ZNF782: variants seen among roughly 807,000 people sequenced by gnomAD.
ZNF782 encodes zinc finger protein 782.
A neutral mutation model predicts 13.0 loss-of-function variants in ZNF782; 12 were observed. The ratio of observed to expected loss-of-function variants is 0.92; its 90% CI spans 0.59 to 1.50. The LOEUF (loss-of-function observed/expected upper bound fraction) is 1.50. Ranked by LOEUF, ZNF782 falls within the 40% of genes most tolerant of loss-of-function variation. The pLI is 0.00. For synonymous variants in ZNF782, 284 were observed against 283.0 expected, an observed-to-expected ratio of 1.00 and a Z score of -0.04; for missense variants, 770 against 822.9, an observed-to-expected ratio of 0.94 and a Z score of 0.79.
the ZNF782 span, among the ~76,000 whole-genome samples, chr9:96,911,418 A>G: frequency 7.9e-6 from 1 of 126,862 alleles, no homozygotes; most frequent in East Asian, 2.9e-4. Flanking sequence ...CGGCCTGGGC[A>G]ACAGAGCAAG....
chr9:96,902,221 G>A, the ZNF782 span, among the ~76,000 whole-genome samples: 119 of 151,594 alleles, frequency 7.8e-4, no homozygotes, highest in African/African-American at 2.7e-3. Context: ...ATCACTGGAG[G>A]TCAGGATCCC....
chr9:96,920,927 T>G, the ZNF782 span, among the ~76,000 whole-genome samples: 1 of 127,248 alleles, frequency 7.9e-6, no homozygotes, highest in Non-Finnish European at 1.5e-5. Flanking sequence ...AAACAAAACA[T>G]TTTTATATTA....
chr9:96,842,638 T>C (rs188379891), intron 4 of ZNF782, among the ~76,000 whole-genome samples: 178 of 152,148 alleles, frequency 1.2e-3, no homozygotes, highest in Admixed American at 2.2e-3. Context: ...GAGAAAACCT[T>C]TGGTCCAAAG....
chr9:96,854,558 T>G (rs1851609794), upstream of ZNF782: 1 of 152,208 alleles, frequency 6.6e-6, no homozygotes, highest in Non-Finnish European at 1.5e-5. Context: ...CATCCCAGAG[T>G]GCTGCGCGGC....
At chr9:96,839,687 C>T (rs1035739739) in intron 4 of ZNF782, among the ~76,000 whole-genome samples, 6 of 151,974 alleles carry the variant, frequency 3.9e-5, no homozygotes, top group African/African-American at 7.3e-5. Flanking sequence ...AATTTTATTA[C>T]TTTCTGATTT....
the ZNF782 span, chr9:96,889,708 TAA>T: frequency 6.6e-6 from 1 of 152,194 alleles, no homozygotes; most frequent in East Asian, 1.9e-4. Flanking sequence ...GCCCCAAAAC[TAA>T]GATTTTTAAA....
intron 4 of ZNF782, among the ~76,000 whole-genome samples, chr9:96,843,654 C>A (rs1588164294): frequency 6.6e-6 from 1 of 152,158 alleles, no homozygotes; most frequent in South Asian, 2.1e-4. Context: ...GCTATTCACA[C>A]ACATTGTACC....
At chr9:96,837,075 G>A (rs529687580) in intron 4 of ZNF782, among the ~76,000 whole-genome samples, 1 of 152,298 alleles carries the variant, frequency 6.6e-6, no homozygotes, top group East Asian at 1.9e-4. Flanking sequence ...AAACTGGACT[G>A]AGACACTCCC....
At chr9:96,869,173 T>C (rs1659199868) in intron 1 of ZNF782, among the ~76,000 whole-genome samples, 1 of 152,124 alleles carries the variant, frequency 6.6e-6, no homozygotes, top group Non-Finnish European at 1.5e-5. Context: ...AAAATTAACA[T>C]ACTGAAGAGC....
chr9:96,825,682 T>G (rs1455827756), intron 5 of ZNF782, among the ~76,000 whole-genome samples: 1 of 152,080 alleles, frequency 6.6e-6, no homozygotes, highest in Non-Finnish European at 1.5e-5. Flanking sequence ...ATATCCAGAA[T>G]CTACAAAGAA....
chr9:96,831,602 A>G (rs1343317209), intron 4 of ZNF782, among the ~76,000 whole-genome samples: 3 of 151,836 alleles, frequency 2.0e-5, no homozygotes. Context: ...AGTCCCAGCT[A>G]CTCAGGAGGC....
At chr9:96,884,712 A>C in the ZNF782 span, among the ~76,000 whole-genome samples, 2 of 152,218 alleles carry the variant, frequency 1.3e-5, no homozygotes, top group African/African-American at 4.8e-5. Context: ...ACCCATCTGC[A>C]ACAATGCAGT....
At chr9:96,845,041 T>C (rs1455174145) in intron 3 of ZNF782, 25 bp from the exon 4 acceptor site, 1 of 1,613,426 alleles carries the variant, frequency 6.2e-7, no homozygotes, top group Admixed American at 1.7e-5. Context: ...TTCTAATTAA[T>C]CTGAGTGTTC....
At chr9:96,869,143 T>C (rs1024389884) in intron 1 of ZNF782, among the ~76,000 whole-genome samples, 9 of 152,128 alleles carry the variant, frequency 5.9e-5, no homozygotes, top group African/African-American at 2.2e-4. Context: ...TAAGAAGTGA[T>C]TAGAAAAATG....
upstream of ZNF782, among the ~76,000 whole-genome samples, chr9:96,858,905 C>T (rs1851674165): frequency 6.6e-6 from 1 of 152,170 alleles, no homozygotes; most frequent in Non-Finnish European, 1.5e-5. The surrounding 1 kb of genome is among the most constrained non-coding windows in gnomAD (Gnocchi z 4.4). Context: ...GGACTTTGCA[C>T]TGAACTCAGT....
Position 96,816,399 on chromosome 9 carries a change from G to A in ZNF782, c.*1524C>T, listed in dbSNP as rs1007674008. ...TCTAAGAAACATAAAACAAATACCT[G>A]GTAAGTACCATGCATATATACATAC... On this transcript the variant is annotated 3_prime_UTR_variant, in exon 6 of 6. Coordinates refer to ENST00000481138, the MANE Select transcript of ZNF782 (RefSeq NM_001001662.3). 1.3e-5 allele frequency: 2 copies of A among 152,116 alleles called. No individual in the cohort carries two copies. Among genetic ancestry groups the A allele is most frequent in the Non-Finnish European group, 2.9e-5 (2 of 68,024 alleles). The allele number at this position is 152,116 out of a possible 1,614,324, so 9.4% of individuals were successfully genotyped here.
rs377639411 is a variant in ZNF782 at position 96,825,154 on chromosome 9, C to T, written c.244+1926G>A. 3.8e-4 allele frequency among the ~76,000 whole-genome samples: 58 copies of T among 151,432 alleles called. No individual in the cohort carries two copies. The South Asian group carries it at 8.8e-3, about 23-fold the overall frequency. On this transcript the variant is annotated intron_variant, in intron 5 of 5. Coordinates refer to ENST00000481138, the MANE Select transcript of ZNF782 (RefSeq NM_001001662.3). ...GGCATCACACTACCTGACTTCAAAC[C>T]ATACTACAAGGCTACAGTAACCAAA...
Position 96,819,520 on chromosome 9 carries a change from CAAACAT to C in ZNF782, c.497_502del (p.Asn166_Cys168delinsSer). 6.2e-7 allele frequency: 1 copy of C among 1,613,058 alleles called. No individual in the cohort carries two copies. Among genetic ancestry groups the C allele is most frequent in the African/African-American group, 1.3e-5 (1 of 74,944 alleles). ...CTTAATACTGATGAGCCATTTGTCA[CAAACAT>C]TACGCTCATGAGCCTTTTCTTTTGA... On this transcript the variant is annotated inframe_deletion, in exon 6 of 6. Coordinates refer to ENST00000481138, the MANE Select transcript of ZNF782 (RefSeq NM_001001662.3).
chr9:96,931,782 C>T, the ZNF782 span: 102 of 1,611,562 alleles, frequency 6.3e-5, no homozygotes, highest in Admixed American at 1.2e-4. Context: ...TCTGTGTTCA[C>T]GGCTCTGCCC....
Sources: gnomAD v4.1 joint callset for allele counts (sites outside exome capture counted in the v4.1 genomes callset) on GRCh38, gnomAD v4.1.1 for gene constraint, Gnocchi (gnomAD v3.1) non-coding constraint, MANE v1.5 for transcripts, NCBI Gene and HGNC (gene_info 2026-07-23, HGNC 2026-07-21) for gene names.